DDAH1: variants seen among roughly 807,000 people sequenced by gnomAD.
DDAH1 encodes the protein N(G),N(G)-dimethylarginine dimethylaminohydrolase 1.
A neutral mutation model predicts 28.8 loss-of-function variants in DDAH1; 19 were observed. The ratio of observed to expected loss-of-function variants is 0.66; its 90% confidence interval spans 0.46 to 0.97. The LOEUF (loss-of-function observed/expected upper bound fraction) is 0.97, where lower values mean the gene tolerates loss of function less well. Among genes scored for constraint, DDAH1 ranks in the 50% least tolerant of loss-of-function variants. The pLI, the probability that DDAH1 is intolerant of heterozygous loss-of-function variation, is 0.00. For synonymous variants in DDAH1, 153 were observed against 154.4 expected, an observed-to-expected ratio of 0.99 and a Z score of 0.07; for missense variants, 326 against 375.9, an observed-to-expected ratio of 0.87 and a Z score of 1.10.
chr1:85,485,907 C>T (rs1377553454), intron 2 of DDAH1, among the ~76,000 whole-genome samples: 1 of 152,078 alleles, frequency 6.6e-6, no homozygotes, highest in Non-Finnish European at 1.5e-5. Flanking sequence ...CACTAGTGGC[C>T]TATTGATACA....
chr1:85,353,760 CA>C (rs559298911), intron 2 of DDAH1, among the ~76,000 whole-genome samples: 26 of 151,102 alleles, frequency 1.7e-4, no homozygotes, highest in African/African-American at 5.6e-4. Context: ...TACTCTGAGG[CA>C]AAAAAAATAC....
At chr1:85,494,232 G>T (rs1656502836) in intron 2 of DDAH1, 1 of 152,136 alleles carries the variant, frequency 6.6e-6, no homozygotes, top group Admixed American at 6.5e-5. Flanking sequence ...TTTATAGGAT[G>T]GGCATTTACC....
chr1:85,457,592 A>T (rs759208265), intron 1 of DDAH1, among the ~76,000 whole-genome samples: 20 of 152,224 alleles, frequency 1.3e-4, no homozygotes, highest in Admixed American at 8.5e-4. Flanking sequence ...CTTTACTATC[A>T]AAAGCAGTCA....
In DDAH1 at chr1:85,378,593, G is replaced by C. The variant is rs982613401; in HGVS notation, c.304-19746C>G. ...CCAGCTAATTTTTGTATTTTTTGTAGAGACAGGTTTTCACCATGTTGCCCA... is the reference window on the plus strand; with the variant it reads ...CCAGCTAATTTTTGTATTTTTTGTACAGACAGGTTTTCACCATGTTGCCCA... On this transcript the variant is annotated intron_variant, in intron 1 of 5. Coordinates refer to ENST00000284031, the MANE Select transcript of DDAH1 (RefSeq NM_012137.4). Among the ~76,000 whole-genome samples the C allele has an allele frequency of 8.5e-5, 13 of 152,160 alleles. No individual in the cohort carries two copies. The East Asian group carries it at 2.1e-3, about 25-fold the overall frequency.
chr1:85,340,709 C>A (rs189305071), intron 4 of DDAH1, among the ~76,000 whole-genome samples: 2 of 152,188 alleles, frequency 1.3e-5, no homozygotes, highest in East Asian at 3.9e-4. Flanking sequence ...TTATGGGAAC[C>A]GTGCCAGACA....
chr1:85,448,245 C>A (rs1218898363), intron 1 of DDAH1: 3 of 158,476 alleles, frequency 1.9e-5, no homozygotes, highest in Non-Finnish European at 2.7e-5. Context: ...AGATCGGACA[C>A]CCCTATGTTA....
intron 1 of DDAH1, among the ~76,000 whole-genome samples, chr1:85,563,912 G>A (rs1276138010): frequency 6.6e-6 from 1 of 152,186 alleles, no homozygotes; most frequent in East Asian, 1.9e-4. Flanking sequence ...GATGGCTCAC[G>A]CCTGTAATCC....
chr1:85,493,393 A>G (rs890855945), intron 2 of DDAH1: 2 of 152,160 alleles, frequency 1.3e-5, no homozygotes, highest in African/African-American at 2.4e-5. Flanking sequence ...TCAAAAGCAA[A>G]TAATTAATAA....
intron 1 of DDAH1, among the ~76,000 whole-genome samples, chr1:85,385,729 C>T (rs1165918472): frequency 1.3e-5 from 2 of 152,132 alleles, no homozygotes; most frequent in Non-Finnish European, 2.9e-5. Flanking sequence ...TGCCTTAGTG[C>T]ATTTGCATTG....
chr1:85,483,340 T>TA (rs1300360832), intron 2 of DDAH1, among the ~76,000 whole-genome samples: 2 of 152,174 alleles, frequency 1.3e-5, no homozygotes, highest in African/African-American at 4.8e-5. Context: ...GAGAGGATGT[T>TA]ACGTTGTAAA....
chr1:85,545,375 G>A (rs1046167896), intron 1 of DDAH1, among the ~76,000 whole-genome samples: 1 of 152,200 alleles, frequency 6.6e-6, no homozygotes, highest in Non-Finnish European at 1.5e-5. Context: ...GTGATAAGAT[G>A]AAGGGAGTAA....
intron 2 of DDAH1, among the ~76,000 whole-genome samples, chr1:85,474,487 A>C (rs1448122841): frequency 1.3e-5 from 2 of 152,072 alleles, no homozygotes; most frequent in African/African-American, 4.8e-5. Flanking sequence ...ATTTCCTGGA[A>C]TGTGTGTGGC....
intron 1 of DDAH1, among the ~76,000 whole-genome samples, chr1:85,361,680 T>C (rs1314215985): frequency 6.6e-6 from 1 of 152,252 alleles, no homozygotes; most frequent in African/African-American, 2.4e-5. Context: ...CATTTCATTT[T>C]AAAACAATGT....
rs374856326 is a variant in DDAH1, at chr1:85,395,026, A to G, written c.304-36179T>C. ...CTAAAAGTTAAAAATTCTAATTAAT[A>G]TATGTAATTCTATATGCAAAGTATA... On this transcript the variant is annotated intron_variant, in intron 1 of 5. Transcript: ENST00000284031. 2.0e-5 allele frequency among the ~76,000 whole-genome samples: 3 copies of G among 152,204 alleles called. No homozygotes were observed. In the South Asian group the frequency reaches 6.2e-4, roughly 31 times the overall value.
At chr1:85,342,841 T>TA (rs1481400963) in intron 4 of DDAH1, among the ~76,000 whole-genome samples, 5 of 152,174 alleles carry the variant, frequency 3.3e-5, no homozygotes, top group African/African-American at 9.7e-5. Flanking sequence ...GCAGAGCTTT[T>TA]AAAAAATGCA....
At chr1:85,552,413 T>C (rs754512173) in intron 1 of DDAH1, among the ~76,000 whole-genome samples, 5 of 152,212 alleles carry the variant, frequency 3.3e-5, no homozygotes, top group Non-Finnish European at 7.3e-5. Flanking sequence ...ACAATATACC[T>C]TTCATTTCTA....
chr1:85,377,641 T>C (rs970998832), intron 1 of DDAH1, among the ~76,000 whole-genome samples: 76 of 152,290 alleles, frequency 5.0e-4, no homozygotes, highest in African/African-American at 1.7e-3. Context: ...TGATTTACAA[T>C]GTCTGCCAGA....
chr1:85,350,343 G>A lies in DDAH1; in HGVS notation c.597+72C>T. 1.4e-5 allele frequency: 22 copies of A among 1,563,284 alleles called. No homozygotes were observed. In the South Asian group the frequency reaches 2.4e-4, roughly 17 times the overall value. ...GCCAACCCTGCTTGTTACTCCCCCA[G>A]CAGAGAGAATGTGAAAAACCCTGTG... On this transcript the variant is annotated intron_variant, in intron 4 of 5. Transcript: ENST00000284031.
At chr1:85,492,354 T>C (rs1444151022) in intron 2 of DDAH1, among the ~76,000 whole-genome samples, 1 of 152,184 alleles carries the variant, frequency 6.6e-6, no homozygotes, top group Non-Finnish European at 1.5e-5. Flanking sequence ...AAGTGGAACA[T>C]TGTGACTACC....
Sources: allele counts gnomAD v4.1 joint callset (sites outside exome capture counted in the v4.1 genomes callset), GRCh38; gene constraint gnomAD v4.1.1; transcripts MANE v1.5; gene names NCBI Gene and HGNC (gene_info 2026-07-23, HGNC 2026-07-21).